PPP6R3: variants seen among roughly 807,000 people sequenced by gnomAD.
PPP6R3 encodes serine/threonine-protein phosphatase 6 regulatory subunit 3.
A neutral mutation model predicts 110.7 loss-of-function variants in PPP6R3; 38 were observed. The ratio of observed to expected loss-of-function variants is 0.34; its 90% CI spans 0.26 to 0.45. The LOEUF is 0.45. Ranked by LOEUF, PPP6R3 falls within the 20% of genes least tolerant of loss-of-function variation. The pLI, the probability that PPP6R3 is intolerant of heterozygous loss-of-function variation, is 1.00. For synonymous variants in PPP6R3, 369 were observed against 373.5 expected, an observed-to-expected ratio of 0.99 and a Z score of 0.14; for missense variants, 870 against 1,062.4, an observed-to-expected ratio of 0.82 and a Z score of 2.52.
chr11:68,497,231 T>G (rs2153463347), intron 1 of PPP6R3, among the ~76,000 whole-genome samples: 1 of 139,196 alleles, frequency 7.2e-6, no homozygotes, highest in Admixed American at 7.2e-5. Flanking sequence ...TTTTTTTGTA[T>G]TTTTAGTAGA....
At chr11:68,506,738 C>T (rs1281457622) in intron 1 of PPP6R3, among the ~76,000 whole-genome samples, 4 of 152,334 alleles carry the variant, frequency 2.6e-5, no homozygotes, top group South Asian at 2.1e-4. Context: ...CCATTCCTCT[C>T]ACCTTTCAGC....
At chr11:68,603,884 G>A (rs577119747) in intron 22 of PPP6R3, among the ~76,000 whole-genome samples, 10 of 152,230 alleles carry the variant, frequency 6.6e-5, no homozygotes, top group Non-Finnish European at 1.0e-4. Flanking sequence ...GATTATCTCA[G>A]GACATAATGC....
chr11:68,461,068 G>T (rs1251351154), intron 1 of PPP6R3, among the ~76,000 whole-genome samples: 1 of 151,618 alleles, frequency 6.6e-6, no homozygotes, highest in African/African-American at 2.4e-5. Flanking sequence ...GGCGCCGGGA[G>T]CGGGACGCGG....
chr11:68,559,972 C>T (rs1315380988), intron 8 of PPP6R3, among the ~76,000 whole-genome samples: 1 of 140,972 alleles, frequency 7.1e-6, no homozygotes, highest in Non-Finnish European at 1.6e-5. Context: ...CCCAGCGGTA[C>T]GGTGCCCTCT....
Position 68,568,267 on chromosome 11 carries a change from G to T in PPP6R3, c.1128+1101G>T, listed in dbSNP as rs565543349. 2.6e-5 allele frequency among the ~76,000 whole-genome samples: 4 copies of T among 152,258 alleles called. No homozygotes were observed. In the South Asian group the frequency reaches 8.3e-4, roughly 32 times the overall value. On this transcript the variant is annotated intron_variant, in intron 10 of 23. Coordinates refer to ENST00000393800, the MANE Select transcript of PPP6R3 (RefSeq NM_001164161.2). ...CCTACCTTCTAGTGTATAAAACTCCGGGAATATAACGTTCCTAAGTCATTG... is the reference window on the plus strand; with the variant it reads ...CCTACCTTCTAGTGTATAAAACTCCTGGAATATAACGTTCCTAAGTCATTG...
At chr11:68,461,117 C>T (rs1463891811) in intron 1 of PPP6R3, among the ~76,000 whole-genome samples, 4 of 150,546 alleles carry the variant, frequency 2.7e-5, no homozygotes, top group Admixed American at 6.6e-5. Context: ...CGTTCGCGGC[C>T]TGGCGCGGCG....
At chr11:68,487,779 A>G (rs2098957633) in intron 1 of PPP6R3, among the ~76,000 whole-genome samples, 1 of 152,072 alleles carries the variant, frequency 6.6e-6, no homozygotes, top group Admixed American at 6.6e-5. Flanking sequence ...ATGTGTTTTA[A>G]GGCTCATAGT....
intron 1 of PPP6R3, among the ~76,000 whole-genome samples, chr11:68,475,570 C>T (rs375578058): frequency 0.27 from 32,367 of 121,418 alleles, 3,706 homozygotes; most frequent in Middle Eastern, 0.35. Context: ...CCGGACGGGG[C>T]GGCTGGCCGG....
In PPP6R3 at chr11:68,614,751, G is replaced by A. The variant is rs1038198916; in HGVS notation, c.*1634G>A. 2 of 1,537,894 alleles carry A rather than the reference G, an allele frequency of 1.3e-6. No homozygotes were observed. Among genetic ancestry groups the A allele is most frequent in the Admixed American group, 2.0e-5 (1 of 49,958 alleles). Reference sequence around the variant, plus strand: ...CTCAGGAACCCCCTTTCCCGGGTGAGCCCCTCTCTGAAGAGACTGTCCTTG... The same window carrying A: ...CTCAGGAACCCCCTTTCCCGGGTGAACCCCTCTCTGAAGAGACTGTCCTTG... On this transcript the variant is annotated 3_prime_UTR_variant, in exon 24 of 24. Transcript: ENST00000393800.
intron 14 of PPP6R3, among the ~76,000 whole-genome samples, chr11:68,581,084 T>G (rs2099552656): frequency 6.6e-6 from 1 of 152,186 alleles, no homozygotes. Context: ...GTAGATCATC[T>G]TTTTAGCTCA....
At chr11:68,534,323 G>A (rs533248278) in intron 2 of PPP6R3, among the ~76,000 whole-genome samples, 8 of 152,284 alleles carry the variant, frequency 5.3e-5, no homozygotes, top group South Asian at 2.1e-4. Flanking sequence ...AATATTTTAG[G>A]CTTTGTGGGC....
intron 1 of PPP6R3, among the ~76,000 whole-genome samples, chr11:68,478,472 T>C (rs1398368030): frequency 1.3e-5 from 2 of 152,152 alleles, no homozygotes; most frequent in Admixed American, 6.6e-5. Flanking sequence ...CAAGGTGTTA[T>C]GTAACTATGA....
Position 68,577,114 on chromosome 11 carries a change from A to G in PPP6R3, c.1545+1071A>G, listed in dbSNP as rs924278552. ...AAAAGGAAGCTATGTGGGGCCATTT[A>G]ATTAAAATAGACCTAAGGCCTAATA... On this transcript the variant is annotated intron_variant, in intron 14 of 23. Transcript: ENST00000393800. Among the ~76,000 whole-genome samples, 18 of 152,236 alleles carry G rather than the reference A, an allele frequency of 1.2e-4. 1 individual carries two copies. Among genetic ancestry groups the G allele is most frequent in the Non-Finnish European group, 4.4e-5 (3 of 68,032 alleles).
chr11:68,609,804 C>T, intron 22 of PPP6R3, 100 bp from the exon 23 acceptor site: 2 of 1,581,632 alleles, frequency 1.3e-6, no homozygotes, highest in Non-Finnish European at 1.7e-6. Flanking sequence ...GCCTCCGCGG[C>T]AGTCATGACT....
rs1225280445 is a variant in PPP6R3 at position 68,613,356 on chromosome 11, A to C, written c.*239A>C. ...CGTATGTTTATATTGTATTGTTCTA[A>C]ATAATGGGTAGCCTGTGAAATAAGA... is the stretch of plus-strand genomic sequence containing the variant. On this transcript the variant is annotated 3_prime_UTR_variant, in exon 24 of 24. Transcript: ENST00000393800. 5.6e-6 allele frequency: 7 copies of C among 1,239,942 alleles called. No individual in the cohort carries two copies. Among genetic ancestry groups the C allele is most frequent in the Non-Finnish European group, 7.1e-6 (7 of 990,680 alleles). The allele number at this position is 1,239,942 out of a possible 1,614,324, so 76.8% of individuals were successfully genotyped here. A position where few individuals can be genotyped will look rare whatever the true frequency, so the allele number is the denominator to read the frequency against.
At chr11:68,508,290 G>A (rs1187185080) in intron 1 of PPP6R3, among the ~76,000 whole-genome samples, 2 of 151,638 alleles carry the variant, frequency 1.3e-5, no homozygotes, top group African/African-American at 4.8e-5. Flanking sequence ...CACCAAGCCC[G>A]GCTTATTTTT....
At chr11:68,555,648 A>G (rs2099396442) in intron 7 of PPP6R3, among the ~76,000 whole-genome samples, 1 of 152,218 alleles carries the variant, frequency 6.6e-6, no homozygotes, top group Non-Finnish European at 1.5e-5. Context: ...CCAATGTGTA[A>G]CCTAGCCACC....
At chr11:68,470,580 G>T (rs1430483916) in intron 1 of PPP6R3, among the ~76,000 whole-genome samples, 1 of 152,200 alleles carries the variant, frequency 6.6e-6, no homozygotes, top group African/African-American at 2.4e-5. Context: ...GGTGTCACAT[G>T]ATGTGGTTTC....
intron 3 of PPP6R3, among the ~76,000 whole-genome samples, chr11:68,541,701 T>G (rs2099316578): frequency 1.3e-5 from 2 of 152,056 alleles, no homozygotes; most frequent in South Asian, 4.2e-4. Context: ...GAAGAAAGCT[T>G]CTGAAACTGG....
Sources: allele counts gnomAD v4.1 joint callset (sites outside exome capture counted in the v4.1 genomes callset), GRCh38; gene constraint gnomAD v4.1.1; transcripts MANE v1.5; gene names NCBI Gene and HGNC (gene_info 2026-07-23, HGNC 2026-07-21).